Variants in STYXL1 observed in about 807,000 individuals in gnomAD.
STYXL1 encodes the protein serine/threonine/tyrosine interacting like 1.
In STYXL1, 32 loss-of-function variants were observed where a neutral mutation model predicts 36.4. The ratio of observed to expected loss-of-function variants is 0.88; its 90% CI spans 0.66 to 1.18. The LOEUF is 1.18. STYXL1 is among the 50% of genes most tolerant of loss of function. STYXL1 has a pLI of 0.00. For missense variants in STYXL1, 354 were observed against 394.1 expected (o/e 0.90, Z 0.86); for synonymous variants, 133 against 144.1 (o/e 0.92, Z 0.55).
At chr7:76,020,506 G>T (rs1354553809) in intron 4 of STYXL1, among the ~76,000 whole-genome samples, 1 of 152,156 alleles carries the variant, frequency 6.6e-6, no homozygotes, top group African/African-American at 2.4e-5. Context: ...CTGACTTGGG[G>T]CTGCATGCTC....
chr7:76,037,613 G>A (rs1351640531), intron 1 of STYXL1, among the ~76,000 whole-genome samples: 3 of 150,038 alleles, frequency 2.0e-5, no homozygotes, highest in African/African-American at 7.3e-5. Flanking sequence ...CGGTGGAGGT[G>A]TCAGAGGCTG....
At chr7:76,042,422 T>TTTTTTTTA in intron 1 of STYXL1, among the ~76,000 whole-genome samples, 1 of 132,294 alleles carries the variant, frequency 7.6e-6, no homozygotes, top group South Asian at 2.5e-4. Context: ...TTTTTTTTTT[T>TTTTTTTTA]AAGATGGAGT....
At position 76,030,482 on chromosome 7, in the gene STYXL1, G is replaced by A; in HGVS notation, c.42C>T (p.Asn14=). 5.6e-6 allele frequency: 9 copies of A among 1,614,002 alleles called. No homozygotes were observed. Among genetic ancestry groups the A allele is most frequent in the Non-Finnish European group, 7.6e-6 (9 of 1,179,882 alleles). The stretch of plus-strand genomic sequence containing the variant: ...AGAGTTTTGTGGCCTGATTCAGGAT[G>A]TTGTAAAGCTCTGTTGGTTCACATA... ...LLLCEPTELY[N]ILNQATKLSR... is the part of the protein sequence containing the mutation. The change falls in exon 2 of 9, where the codon AAC becomes AAT. Residue 14 remains asparagine (N), a synonymous_variant. Transcript: ENST00000359697.
At chr7:76,042,266 G>A (rs147473880) in intron 1 of STYXL1, among the ~76,000 whole-genome samples, 9 of 151,852 alleles carry the variant, frequency 5.9e-5, no homozygotes, top group Non-Finnish European at 8.8e-5. Context: ...GATCACAACT[G>A]TTATCCAAAC....
rs142747893 is a variant in STYXL1, at chr7:76,025,921, G to A, written c.165+2721C>T. The stretch of plus-strand genomic sequence containing the variant: ...AAAAAGCAGCACAGAGGCCGGGCGC[G>A]GTGGCTCACGCCTGTAATTCCAGCA... On this transcript the variant is annotated intron_variant, in intron 3 of 8. Transcript: ENST00000359697. Among the ~76,000 whole-genome samples the A allele has an allele frequency of 2.3e-3, 344 of 152,096 alleles. 3 individuals are homozygous for A. Among genetic ancestry groups the A allele is most frequent in the African/African-American group, 7.5e-3 (310 of 41,502 alleles).
intron 1 of STYXL1, among the ~76,000 whole-genome samples, chr7:76,034,639 G>A (rs1208028002): frequency 1.3e-5 from 2 of 152,190 alleles, no homozygotes; most frequent in Non-Finnish European, 2.9e-5. Flanking sequence ...TGACACCACT[G>A]ACGTCCGGGG....
intron 6 of STYXL1, among the ~76,000 whole-genome samples, chr7:76,004,700 T>A (rs965926144): frequency 1.4e-5 from 2 of 147,790 alleles, no homozygotes; most frequent in East Asian, 2.0e-4. Flanking sequence ...CAAGACCCCA[T>A]CTCAAAAAAT....
In STYXL1 at chr7:76,047,751, A is replaced by C. The variant is rs1585388151; in HGVS notation, c.-94T>G. ...GGGGCTCGGGTCTGGGACGCGCTCCACCTCCCCGGCTGCGCGACTATGGCC... is the reference window on the plus strand; with the variant it reads ...GGGGCTCGGGTCTGGGACGCGCTCCCCCTCCCCGGCTGCGCGACTATGGCC... On this transcript the variant is annotated 5_prime_UTR_variant, in exon 1 of 9. Transcript: ENST00000359697. The C allele has an allele frequency of 3.0e-6, 1 of 334,730 alleles. No individual in the cohort carries two copies. 20.7% of individuals were successfully genotyped at this position (334,730 alleles called of 1,614,324 possible). A position where few individuals can be genotyped will look rare whatever the true frequency, so the allele number is the denominator to read the frequency against.
intron 4 of STYXL1, among the ~76,000 whole-genome samples, chr7:76,018,633 C>T (rs1390916837): frequency 3.3e-5 from 5 of 152,292 alleles, no homozygotes; most frequent in Middle Eastern, 3.4e-3. Context: ...TCAGGTGATC[C>T]TCCCGCCTTG....
At chr7:76,022,112 T>C (rs1298673553) in intron 3 of STYXL1, 120 bp from the exon 4 acceptor site, 4 of 1,490,572 alleles carry the variant, frequency 2.7e-6, no homozygotes, top group East Asian at 2.4e-5. Context: ...CCCCTGACTA[T>C]ACACACAGGC....
In STYXL1 at chr7:76,035,604, C is replaced by G. The variant is rs546301867; in HGVS notation, c.-4-5077G>C. ...TTAAGGATCTCCTCACTCCCACCCC[C>G]CAAGTCAGGTTCCACATCCTCTGCC... On this transcript the variant is annotated intron_variant, in intron 1 of 8. Coordinates refer to ENST00000359697, the MANE Select transcript of STYXL1 (RefSeq NM_001317785.2). Among the ~76,000 whole-genome samples the G allele has an allele frequency of 2.7e-5, 4 of 149,818 alleles. No individual in the cohort carries two copies. In the South Asian group the frequency reaches 8.8e-4, roughly 33 times the overall value.
At chr7:76,014,482 G>T (rs1205140101) in intron 4 of STYXL1, among the ~76,000 whole-genome samples, 2 of 151,896 alleles carry the variant, frequency 1.3e-5, no homozygotes, top group African/African-American at 2.4e-5. Context: ...CTCCCGAGTA[G>T]CTGGGACTAT....
At position 76,035,514 on chromosome 7, in the gene STYXL1, T is replaced by C. The variant is rs886111611; in HGVS notation, c.-4-4987A>G. On this transcript the variant is annotated intron_variant, in intron 1 of 8. Coordinates refer to ENST00000359697, the MANE Select transcript of STYXL1 (RefSeq NM_001317785.2). ...ATGAATACATTATTGTCAGTTACCA[T>C]TATGGCCTTTCCCAACACCGCCATC... 4.0e-5 allele frequency among the ~76,000 whole-genome samples: 6 copies of C among 149,762 alleles called. 2 individuals carry two copies. Among genetic ancestry groups the C allele is most frequent in the Admixed American group, 6.7e-5 (1 of 14,948 alleles).
chr7:76,016,196 C>G (rs1180303134), intron 4 of STYXL1, among the ~76,000 whole-genome samples: 1 of 151,062 alleles, frequency 6.6e-6, no homozygotes, highest in Non-Finnish European at 1.5e-5. Flanking sequence ...ATATGTATAT[C>G]TATACATATG....
At chr7:75,998,301 A>T (rs1157486808) in intron 8 of STYXL1, among the ~76,000 whole-genome samples, 11 of 146,792 alleles carry the variant, frequency 7.5e-5, no homozygotes, top group African/African-American at 2.7e-4. Context: ...TGGTCAAGCA[A>T]TTTTTTTTTT....
intron 3 of STYXL1, among the ~76,000 whole-genome samples, chr7:76,028,095 C>A (rs898869429): frequency 6.6e-6 from 1 of 152,200 alleles, no homozygotes; most frequent in East Asian, 1.9e-4. Flanking sequence ...AGTACAGTGG[C>A]GTGATCTCAG....
chr7:76,047,220 C>T (rs1326092743), intron 1 of STYXL1, among the ~76,000 whole-genome samples: 1 of 152,070 alleles, frequency 6.6e-6, no homozygotes, highest in Admixed American at 6.5e-5. Flanking sequence ...AAGATCGCGC[C>T]ACTGCACTCC....
At chr7:76,012,377 G>A (rs2115750423) in intron 5 of STYXL1, among the ~76,000 whole-genome samples, 2 of 152,142 alleles carry the variant, frequency 1.3e-5, no homozygotes, top group Middle Eastern at 3.4e-3. Flanking sequence ...CTGGGCTCAA[G>A]CAATCCACCC....
At chr7:76,034,246 G>T (rs1414849591) in intron 1 of STYXL1, among the ~76,000 whole-genome samples, 3 of 151,316 alleles carry the variant, frequency 2.0e-5, no homozygotes, top group African/African-American at 7.2e-5. Context: ...GGAACTACAG[G>T]CACATGCCAC....
Sources: allele counts gnomAD v4.1 joint callset (sites outside exome capture counted in the v4.1 genomes callset), GRCh38; gene constraint gnomAD v4.1.1; transcripts MANE v1.5; gene names NCBI Gene and HGNC (gene_info 2026-07-23, HGNC 2026-07-21).